TMCC3: variants seen among roughly 807,000 people sequenced by gnomAD.
TMCC3 encodes the protein transmembrane and coiled-coil domain protein 3.
Under a neutral mutation model 40.2 loss-of-function variants are expected in TMCC3, and 28 were observed. The observed-to-expected ratio is 0.70, with a 90% confidence interval of 0.52 to 0.95. The LOEUF (loss-of-function observed/expected upper bound fraction) is 0.95. TMCC3 is among the 40% of genes least tolerant of loss of function. TMCC3 has a pLI of 0.00. For missense variants in TMCC3, 554 were observed against 615.2 expected, an observed-to-expected ratio of 0.90 and a Z score of 1.05; for synonymous variants, 255 against 248.5, an observed-to-expected ratio of 1.03 and a Z score of -0.25.
intron 1 of TMCC3, among the ~76,000 whole-genome samples, chr12:94,621,278 G>A (rs187361534): frequency 1.3e-5 from 2 of 152,336 alleles, no homozygotes; most frequent in Admixed American, 6.5e-5. Context: ...AACCCACCAG[G>A]CTCTCTCAGT....
chr12:94,573,382 C>T (rs2068545073), intron 3 of TMCC3, among the ~76,000 whole-genome samples: 1 of 152,152 alleles, frequency 6.6e-6, no homozygotes, highest in Non-Finnish European at 1.5e-5. Context: ...CCCACCCTTA[C>T]GAATCCATTT....
intron 1 of TMCC3, among the ~76,000 whole-genome samples, chr12:94,627,789 T>G (rs1277266818): frequency 6.6e-6 from 1 of 152,254 alleles, no homozygotes; most frequent in Non-Finnish European, 1.5e-5. Flanking sequence ...CCCAGCCCTC[T>G]TGTCTATTTC....
intron 1 of TMCC3, among the ~76,000 whole-genome samples, chr12:94,619,257 G>T (rs2068863086): frequency 2.6e-5 from 4 of 152,150 alleles, no homozygotes; most frequent in African/African-American, 9.7e-5. Flanking sequence ...TCACATCCAG[G>T]AAATGGTTTG....
At chr12:94,624,777 T>C (rs1296974644) in intron 1 of TMCC3, among the ~76,000 whole-genome samples, 3 of 152,022 alleles carry the variant, frequency 2.0e-5, no homozygotes, top group East Asian at 1.9e-4. Context: ...TGCTACAACA[T>C]GCGTGAACCT....
At chr12:94,620,912 A>G (rs1415458449) in intron 1 of TMCC3, among the ~76,000 whole-genome samples, 1 of 152,190 alleles carries the variant, frequency 6.6e-6, no homozygotes, top group African/African-American at 2.4e-5. Context: ...GCGTGTTTAT[A>G]CTTAAAGTCG....
Position 94,571,280 on chromosome 12 carries a change from A to T in TMCC3, c.*155T>A. 1.3e-6 allele frequency: 1 copy of T among 759,226 alleles called. No homozygotes were observed. The highest frequency in any genetic ancestry group is 2.1e-6 in the Non-Finnish European group (1 of 480,138). The allele number at this position is 759,226 out of a possible 1,614,324, so 47.0% of individuals were successfully genotyped here. ...TACAAGGACTGAGTTGGCAACTGCT[A>T]CGGAGTTAAGAGAATTGTAGTTATT... On this transcript the variant is annotated 3_prime_UTR_variant, in exon 4 of 4. Transcript: ENST00000261226.
chr12:94,624,105 T>C (rs893580973), intron 1 of TMCC3, among the ~76,000 whole-genome samples: 1 of 152,238 alleles, frequency 6.6e-6, no homozygotes, highest in Non-Finnish European at 1.5e-5. Flanking sequence ...CTTACTAGGA[T>C]GGCTGTAATT....
At chr12:94,620,714 G>A (rs944698876) in intron 1 of TMCC3, among the ~76,000 whole-genome samples, 4 of 151,820 alleles carry the variant, frequency 2.6e-5, no homozygotes, top group Admixed American at 6.6e-5. Flanking sequence ...TGCTAAACAC[G>A]AACTAGAAAA....
At chr12:94,630,662 A>G (rs1285063604) in intron 1 of TMCC3, among the ~76,000 whole-genome samples, 1 of 152,182 alleles carries the variant, frequency 6.6e-6, no homozygotes, top group African/African-American at 2.4e-5. Context: ...TTCTACTTGT[A>G]TGTGGCACTT....
Position 94,570,852 on chromosome 12 carries a change from G to A in TMCC3, c.*583C>T, listed in dbSNP as rs1317177230. ...CCTCAGGTAGACTTGTTGGATAACA[G>A]GTGTGTGATAAGATTTCCACGTTAC... On this transcript the variant is annotated 3_prime_UTR_variant, in exon 4 of 4. Coordinates refer to ENST00000261226, the MANE Select transcript of TMCC3 (RefSeq NM_020698.4). 6.5e-6 allele frequency: 1 copy of A among 152,912 alleles called. No homozygotes were observed. Among genetic ancestry groups the A allele is most frequent in the Non-Finnish European group, 1.5e-5 (1 of 68,298 alleles). 9.5% of individuals were successfully genotyped at this position (152,912 alleles called of 1,614,324 possible).
At chr12:94,581,540 A>C (rs1191766860) in intron 2 of TMCC3, 82 bp downstream of exon 2, 2 of 1,073,480 alleles carry the variant, frequency 1.9e-6, no homozygotes, top group African/African-American at 3.3e-5. Context: ...AAAGTTTTCA[A>C]AATGAAAAAA....
intron 3 of TMCC3, among the ~76,000 whole-genome samples, chr12:94,574,046 C>T (rs967763403): frequency 1.3e-5 from 2 of 152,176 alleles, no homozygotes; most frequent in African/African-American, 4.8e-5. Flanking sequence ...GCACGTGCCA[C>T]ACACTGGCTG....
intron 1 of TMCC3, among the ~76,000 whole-genome samples, chr12:94,648,057 G>C (rs570314014): frequency 6.6e-6 from 1 of 152,226 alleles, no homozygotes; most frequent in African/African-American, 2.4e-5. Flanking sequence ...GCCCTTCTCT[G>C]ATTTCCTCTC....
chr12:94,592,208 A>G (rs1391960027), intron 1 of TMCC3, among the ~76,000 whole-genome samples: 1 of 152,182 alleles, frequency 6.6e-6, no homozygotes, highest in African/African-American at 2.4e-5. Context: ...TGACAATAGC[A>G]CACTCTGAAC....
chr12:94,605,376 T>A (rs774548132), intron 1 of TMCC3, among the ~76,000 whole-genome samples: 13 of 152,242 alleles, frequency 8.5e-5, no homozygotes, highest in Non-Finnish European at 1.5e-4. Flanking sequence ...GATTTTGGAT[T>A]TAGTTCAGGT....
chr12:94,599,228 T>A (rs1444540781), intron 1 of TMCC3, among the ~76,000 whole-genome samples: 1 of 152,124 alleles, frequency 6.6e-6, no homozygotes. Flanking sequence ...CATGATAGGG[T>A]CTTGTACAGA....
intron 1 of TMCC3, among the ~76,000 whole-genome samples, chr12:94,611,621 G>A (rs1225096517): frequency 6.6e-6 from 1 of 152,148 alleles, no homozygotes; most frequent in African/African-American, 2.4e-5. Context: ...AAATCTGCGA[G>A]TGTTCAAGTC....
intron 1 of TMCC3, among the ~76,000 whole-genome samples, chr12:94,585,910 T>C (rs911747948): frequency 1.3e-5 from 2 of 152,200 alleles, no homozygotes; most frequent in East Asian, 1.9e-4. Context: ...TGTACCTAAC[T>C]TGAAGTTCAC....
In TMCC3 at chr12:94,567,849, T is replaced by A. The variant is rs1368542183; in HGVS notation, c.*3586A>T. 2 of 152,226 alleles carry A rather than the reference T, an allele frequency of 1.3e-5. No homozygotes were observed. The highest frequency in any genetic ancestry group is 2.9e-5 in the Non-Finnish European group (2 of 68,038). 9.4% of individuals were successfully genotyped at this position (152,226 alleles called of 1,614,324 possible). On this transcript the variant is annotated 3_prime_UTR_variant, in exon 4 of 4. Transcript: ENST00000261226. ...TATATCTGGATTCACTGCAAAAACA[T>A]TCCCATTCAATGCAAAATAATTTGG...
Sources: allele counts gnomAD v4.1 joint callset (sites outside exome capture counted in the v4.1 genomes callset), GRCh38; gene constraint gnomAD v4.1.1; transcripts MANE v1.5; gene names NCBI Gene and HGNC (gene_info 2026-07-23, HGNC 2026-07-21).